The following EFNA1 variants were observed in gnomAD, a reference collection of about 807,000 sequenced individuals.
EFNA1 encodes the protein ephrin A1, also known as ephrin-A1.
A neutral mutation model predicts 23.2 loss-of-function variants in EFNA1; 8 were observed. The observed-to-expected ratio is 0.34, with a 90% CI of 0.20 to 0.62. EFNA1 has a LOEUF of 0.62. EFNA1 is among the 20% of genes least tolerant of loss of function. The pLI is 0.75. For missense variants in EFNA1, 217 were observed against 260.0 expected (o/e 0.83, Z 1.14); for synonymous variants, 89 against 98.6 (o/e 0.90, Z 0.58).
chr1:155,129,017 C>T (rs761500080), intron 1 of EFNA1, among the ~76,000 whole-genome samples: 17 of 152,206 alleles, frequency 1.1e-4, no homozygotes, highest in Non-Finnish European at 2.2e-4. Context: ...CCCCACTCCC[C>T]TTGAGAAATA....
At position 155,128,058 on chromosome 1, in the gene EFNA1, T is replaced by G. The variant is rs766190644; in HGVS notation, c.81T>G (p.Ser27Arg). Residue 27 changes from serine to arginine, a missense_variant, in exon 1 of 5, where the codon AGT becomes AGG. Physicochemically the swap from Ser to Arg is moderately radical, Grantham distance 110. Transcript: ENST00000368407. ...ATCGCCACACCGTCTTCTGGAACAG[T>G]TCAAATCCCAAGTAAGCCTCGAGAC... The part of the protein sequence containing the change: ...AADRHTVFWN[S>R]SNPKFRNEDY... 6.2e-7 allele frequency: 1 copy of G among 1,613,636 alleles called. No individual in the cohort carries two copies. The highest frequency in any genetic ancestry group is 8.5e-7 in the Non-Finnish European group (1 of 1,179,922).
rs141515891 is a variant in EFNA1 at position 155,134,699 on chromosome 1, T to C, written c.*632T>C. ...TCTTAGAGTGTAGCTGTAAGGGCAG[T>C]GCCCATGTGTACATTCTGCCTAGAG... On this transcript the variant is annotated 3_prime_UTR_variant, in exon 5 of 5. Coordinates refer to ENST00000368407, the MANE Select transcript of EFNA1 (RefSeq NM_004428.3). The C allele has an allele frequency of 6.9e-4, 113 of 164,704 alleles. No individual in the cohort carries two copies. The East Asian group carries it at 0.019, about 27-fold the overall frequency. The allele number at this position is 164,704 out of a possible 1,614,324, so 10.2% of individuals were successfully genotyped here.
Position 155,127,949 on chromosome 1 carries a change from C to T in EFNA1, c.-29C>T, listed in dbSNP as rs200922590. ...ACCCAGACCCATAGGAGACCCGCGT[C>T]CCCGCTCGGCCTGGCCAGGCCCCGC... On this transcript the variant is annotated 5_prime_UTR_variant, in exon 1 of 5. Coordinates refer to ENST00000368407, the MANE Select transcript of EFNA1 (RefSeq NM_004428.3). This position sits in a 1 kb window ranked among gnomAD's most constrained non-coding sequence, Gnocchi z 4.4. 36 of 1,594,918 alleles carry T rather than the reference C, an allele frequency of 2.3e-5. No individual in the cohort carries two copies. The African/African-American group carries it at 4.0e-4, about 18-fold the overall frequency.
chr1:155,131,506 A>G lies in EFNA1; in HGVS notation c.260A>G (p.Gln87Arg). 6.2e-7 allele frequency: 1 copy of G among 1,613,680 alleles called. No homozygotes were observed. Among genetic ancestry groups the G allele is most frequent in the Non-Finnish European group, 8.5e-7 (1 of 1,179,798 alleles). ...CTGTGCCAGCCCCAGTCCAAGGACC[A>G]AGTCCGCTGGCAGTGCAACCGGCCC... ...YQLCQPQSKD[Q>R]VRWQCNRPSA... is the part of the protein sequence containing the mutation. The change falls in exon 2 of 5, where the codon CAA becomes CGA. Residue 87 changes from glutamine (Q) to arginine (R), a missense_variant. Gln to Arg is a conservative substitution (Grantham distance 43). Coordinates refer to ENST00000368407, the MANE Select transcript of EFNA1 (RefSeq NM_004428.3).
chr1:155,128,554 C>T (rs990250689), intron 1 of EFNA1, among the ~76,000 whole-genome samples: 6 of 152,204 alleles, frequency 3.9e-5, no homozygotes, highest in Admixed American at 2.0e-4. Context: ...TGTAGGCATT[C>T]ATTATGCATT....
At chr1:155,129,012 C>A (rs184609587) in intron 1 of EFNA1, among the ~76,000 whole-genome samples, 1 of 152,312 alleles carries the variant, frequency 6.6e-6, no homozygotes, top group East Asian at 1.9e-4. Context: ...TTGCCCCCCA[C>A]TCCCCTTGAG....
At chr1:155,128,845 C>T (rs1235793922) in intron 1 of EFNA1, among the ~76,000 whole-genome samples, 2 of 152,174 alleles carry the variant, frequency 1.3e-5, no homozygotes, top group Non-Finnish European at 1.5e-5. Context: ...AAGACTCTGT[C>T]GGCCCCTTTG....
intron 1 of EFNA1, 177 bp from the exon 2 acceptor site, chr1:155,131,162 A>G: frequency 7.4e-7 from 1 of 1,359,834 alleles, no homozygotes; most frequent in Non-Finnish European, 9.7e-7. Context: ...GAATGTTTAG[A>G]GATGGCAGAG....
At chr1:155,130,087 T>C (rs1413166380) in intron 1 of EFNA1, among the ~76,000 whole-genome samples, 1 of 151,978 alleles carries the variant, frequency 6.6e-6, no homozygotes, top group African/African-American at 2.4e-5. Flanking sequence ...GGGAGGGGCC[T>C]GGTAAGCCCA....
intron 1 of EFNA1, 97 bp from the exon 2 acceptor site, chr1:155,131,242 T>G: frequency 6.8e-7 from 1 of 1,463,584 alleles, no homozygotes; most frequent in Non-Finnish European, 9.2e-7. Context: ...TGGGGTCCAG[T>G]GTGAAATGTG....
chr1:155,131,202 A>G, intron 1 of EFNA1, 137 bp from the exon 2 acceptor site: 3 of 1,365,492 alleles, frequency 2.2e-6, no homozygotes, highest in South Asian at 1.4e-5. Flanking sequence ...ATCAGTACAT[A>G]TTGGGAGTTG....
At chr1:155,131,704 T>C (rs1337680259) in intron 2 of EFNA1, 70 bp downstream of exon 2, 43 of 1,526,736 alleles carry the variant, frequency 2.8e-5, no homozygotes, top group South Asian at 1.4e-4. Context: ...GGTACATGCT[T>C]GGTGTAGAGT....
At chr1:155,129,186 C>T (rs2102469763) in intron 1 of EFNA1, among the ~76,000 whole-genome samples, 1 of 152,294 alleles carries the variant, frequency 6.6e-6, no homozygotes, top group East Asian at 1.9e-4. Flanking sequence ...CCCTCCGCCA[C>T]CCGCTCCCTG....
At chr1:155,132,032 G>A (rs1664248854) in intron 2 of EFNA1, among the ~76,000 whole-genome samples, 1 of 151,910 alleles carries the variant, frequency 6.6e-6, no homozygotes, top group Admixed American at 6.6e-5. Context: ...CAGAGGAGCT[G>A]GCCAGGCATG....
intron 1 of EFNA1, among the ~76,000 whole-genome samples, 156 bp downstream of exon 1, chr1:155,128,225 T>TG (rs1664142369): frequency 6.6e-6 from 1 of 152,066 alleles, no homozygotes; most frequent in African/African-American, 2.4e-5. Flanking sequence ...CCGTCATATC[T>TG]GGGAGCACCC....
rs763069837 is a variant in EFNA1, at chr1:155,131,352, G to A, written c.106G>A (p.Asp36Asn). The change falls in exon 2 of 5, where the codon GAC (aspartate) becomes AAC (asparagine). Residue 36 changes from aspartate (D) to asparagine (N), a missense_variant. Asp to Asn is a conservative substitution (Grantham distance 23). Coordinates refer to ENST00000368407, the MANE Select transcript of EFNA1 (RefSeq NM_004428.3). ...GTGTGTCCCCAGGTTCCGGAATGAGGACTACACCATACATGTGCAGCTGAA... is the reference window on the plus strand; with the variant it reads ...GTGTGTCCCCAGGTTCCGGAATGAGAACTACACCATACATGTGCAGCTGAA... ...NSSNPKFRNE[D>N]YTIHVQLNDY... is the part of the protein sequence containing the mutation. The A allele has an allele frequency of 4.3e-6, 7 of 1,611,384 alleles. No individual in the cohort carries two copies. The East Asian group carries it at 1.6e-4, about 36-fold the overall frequency.
rs1664135680 is a variant in EFNA1, at chr1:155,127,961, T to C, written c.-17T>C. 1.2e-6 allele frequency: 2 copies of C among 1,609,818 alleles called. No homozygotes were observed. The highest frequency in any genetic ancestry group is 1.7e-6 in the Non-Finnish European group (2 of 1,178,398). On this transcript the variant is annotated 5_prime_UTR_variant, in exon 1 of 5. Coordinates refer to ENST00000368407, the MANE Select transcript of EFNA1 (RefSeq NM_004428.3). The surrounding 1 kb of genome is among the most constrained non-coding windows in gnomAD (Gnocchi z 4.4). ...AGGAGACCCGCGTCCCCGCTCGGCC[T>C]GGCCAGGCCCCGCGCTATGGAGTTC...
At chr1:155,131,995 G>A (rs554759118) in intron 2 of EFNA1, among the ~76,000 whole-genome samples, 3 of 152,176 alleles carry the variant, frequency 2.0e-5, no homozygotes, top group Non-Finnish European at 4.4e-5. Flanking sequence ...GCTCAGTGGG[G>A]AAGATGGTCC....
intron 1 of EFNA1, among the ~76,000 whole-genome samples, chr1:155,130,115 C>A (rs1198817352): frequency 6.6e-6 from 1 of 152,164 alleles, no homozygotes; most frequent in African/African-American, 2.4e-5. Flanking sequence ...CGCTGGCACG[C>A]TGCTGCAAAG....
Sources: allele counts gnomAD v4.1 joint callset (sites outside exome capture counted in the v4.1 genomes callset), GRCh38; gene constraint gnomAD v4.1.1; non-coding constraint Gnocchi (gnomAD v3.1); transcripts MANE v1.5; gene names NCBI Gene and HGNC (gene_info 2026-07-23, HGNC 2026-07-21).